Variants in PTK2 observed in about 807,000 individuals in gnomAD.
PTK2 encodes the protein focal adhesion kinase 1.
In PTK2, 45 loss-of-function variants were observed where a neutral mutation model predicts 150.1. That is an observed-to-expected ratio of 0.30 (90% CI 0.24 to 0.38). PTK2 has a LOEUF of 0.38. Among genes scored for constraint, PTK2 ranks in the 10% least tolerant of loss-of-function variants. PTK2 has a pLI of 1.00. For synonymous variants in PTK2, 432 were observed against 449.2 expected (o/e 0.96, Z 0.48); for missense variants, 919 against 1,307.3 (o/e 0.70, Z 4.58).
chr8:140,676,943 C>CAAAAA (rs71320398), intron 27 of PTK2, among the ~76,000 whole-genome samples: 5 of 85,884 alleles, frequency 5.8e-5, no homozygotes, highest in Admixed American at 1.5e-4. Flanking sequence ...GACTCCATCT[C>CAAAAA]AAAAAAAAAA....
At chr8:140,881,499 G>GT (rs1232619176) in intron 3 of PTK2, among the ~76,000 whole-genome samples, 2 of 152,188 alleles carry the variant, frequency 1.3e-5, no homozygotes, top group African/African-American at 2.4e-5. Context: ...CCACAGGTCA[G>GT]TAAGTCTCCT....
chr8:140,741,919 G>C (rs532612212), intron 20 of PTK2, among the ~76,000 whole-genome samples: 1 of 152,272 alleles, frequency 6.6e-6, no homozygotes, highest in East Asian at 1.9e-4. Flanking sequence ...CAGGAGAATA[G>C]CTTCAGCCCA....
rs558218038 is a variant in PTK2 at position 140,917,242 on chromosome 8, T to C, written c.-33+8419A>G. ...CCTGTCTCTACCGAAAATACAACAA[T>C]TAGCCAGGCTTGGTGGTGCACGTTT... On this transcript the variant is annotated intron_variant, in intron 2 of 31. Transcript: ENST00000522684. Among the ~76,000 whole-genome samples the C allele has an allele frequency of 9.2e-5, 14 of 152,066 alleles. No homozygotes were observed. In the South Asian group the frequency reaches 2.9e-3, roughly 32 times the overall value.
intron 14 of PTK2, chr8:140,764,864 G>T (rs2100071473): frequency 6.6e-6 from 1 of 152,174 alleles, no homozygotes; most frequent in South Asian, 2.1e-4. Flanking sequence ...GATATTTTAG[G>T]CATTAATGTC....
At chr8:140,813,097 C>A (rs182890864) in intron 10 of PTK2, among the ~76,000 whole-genome samples, 1 of 152,162 alleles carries the variant, frequency 6.6e-6, no homozygotes, top group Non-Finnish European at 1.5e-5. Flanking sequence ...CATCACCATA[C>A]GGCACATACT....
At chr8:140,970,801 A>C (rs1287443163) in intron 1 of PTK2, among the ~76,000 whole-genome samples, 3 of 152,118 alleles carry the variant, frequency 2.0e-5, no homozygotes, top group Non-Finnish European at 4.4e-5. Flanking sequence ...TCAAAACCCT[A>C]AATGGCTCTC....
At chr8:140,890,857 T>A in intron 2 of PTK2, 88 bp from the exon 3 acceptor site, 1 of 1,121,330 alleles carries the variant, frequency 8.9e-7, no homozygotes, top group Non-Finnish European at 1.3e-6. Context: ...AAATGTCCTA[T>A]ACTCTCTCTT....
chr8:140,978,576 A>G (rs1416705891), intron 1 of PTK2, among the ~76,000 whole-genome samples: 1 of 151,590 alleles, frequency 6.6e-6, no homozygotes, highest in Non-Finnish European at 1.5e-5. Flanking sequence ...ATCTCACACC[A>G]GTTAGAATGG....
intron 5 of PTK2, among the ~76,000 whole-genome samples, chr8:140,854,475 G>A (rs919641111): frequency 3.2e-4 from 49 of 152,246 alleles, no homozygotes; most frequent in African/African-American, 1.0e-3. Flanking sequence ...ACGTTACACG[G>A]TAAAGAAAAA....
chr8:140,700,148 C>T (rs1386875751), intron 26 of PTK2, among the ~76,000 whole-genome samples: 1 of 152,122 alleles, frequency 6.6e-6, no homozygotes, highest in East Asian at 1.9e-4. Flanking sequence ...ACTACACTAA[C>T]TTTTTAGTAT....
intron 11 of PTK2, among the ~76,000 whole-genome samples, chr8:140,801,454 C>G (rs2100094966): frequency 6.6e-6 from 1 of 152,220 alleles, no homozygotes; most frequent in Admixed American, 6.5e-5. Context: ...TGATTAAGAA[C>G]ACAGGCTTTG....
intron 14 of PTK2, among the ~76,000 whole-genome samples, chr8:140,787,123 G>A (rs1424530061): frequency 6.6e-6 from 1 of 152,100 alleles, no homozygotes; most frequent in African/African-American, 2.4e-5. Flanking sequence ...AAATCAACAT[G>A]GTAGCAATCT....
chr8:140,858,686 A>AAAAAAAGAACATTAG lies in PTK2; in HGVS notation c.450+5611_450+5625dup, dbSNP rs1168219919. Among the ~76,000 whole-genome samples the AAAAAAAGAACATTAG allele has an allele frequency of 2.6e-5, 4 of 152,160 alleles. No homozygotes were observed. The East Asian group carries it at 7.7e-4, about 29-fold the overall frequency. ...AGCAATACTATTTTTCAAGCAGGAG[A>AAAAAAAGAACATTAG]AAAAAAGAACATTAGAAAAATGGAT... On this transcript the variant is annotated intron_variant, in intron 5 of 31. Transcript: ENST00000522684.
chr8:140,835,817 T>C (rs2100118367), intron 7 of PTK2, among the ~76,000 whole-genome samples: 1 of 152,174 alleles, frequency 6.6e-6, no homozygotes. Context: ...ATATGGAGTG[T>C]GCATGTTCTC....
chr8:140,856,759 T>C (rs1567642167), intron 5 of PTK2, among the ~76,000 whole-genome samples: 1 of 152,190 alleles, frequency 6.6e-6, no homozygotes. Flanking sequence ...TTAATATTTA[T>C]ATATTTAACT....
intron 22 of PTK2, among the ~76,000 whole-genome samples, chr8:140,726,892 T>C (rs1465104860): frequency 1.3e-5 from 2 of 152,212 alleles, no homozygotes; most frequent in African/African-American, 2.4e-5. Context: ...TTTGTGGGGT[T>C]AATGGCATAT....
intron 1 of PTK2, among the ~76,000 whole-genome samples, chr8:140,973,614 C>G (rs1386436788): frequency 6.6e-6 from 1 of 152,118 alleles, no homozygotes; most frequent in Non-Finnish European, 1.5e-5. Context: ...CATAATCAAC[C>G]ATGTACTGTT....
At chr8:140,708,809 GAT>G (rs1400751585) in intron 23 of PTK2, among the ~76,000 whole-genome samples, 3 of 152,158 alleles carry the variant, frequency 2.0e-5, no homozygotes, top group African/African-American at 4.8e-5. Flanking sequence ...TTGTTTTAAA[GAT>G]ATGTGTTAAT....
chr8:140,960,818 T>C (rs1402722100), intron 1 of PTK2, among the ~76,000 whole-genome samples: 1 of 152,060 alleles, frequency 6.6e-6, no homozygotes, highest in Non-Finnish European at 1.5e-5. Context: ...CTGTCACTAC[T>C]AAAAACACAA....
Sources: gnomAD v4.1 joint callset for allele counts (sites outside exome capture counted in the v4.1 genomes callset) on GRCh38, gnomAD v4.1.1 for gene constraint, MANE v1.5 for transcripts, NCBI Gene and HGNC (gene_info 2026-07-23, HGNC 2026-07-21) for gene names.